Variants in GPC1 observed in about 807,000 individuals in gnomAD.
GPC1 encodes the protein glypican 1, also known as glypican-1.
In GPC1, 26 loss-of-function variants were observed where a neutral mutation model predicts 51.5. That is an observed-to-expected ratio of 0.50 (90% CI 0.37 to 0.70). The LOEUF (loss-of-function observed/expected upper bound fraction) is 0.70. GPC1 is among the 30% of genes least tolerant of loss of function. The pLI is 0.00. For synonymous variants in GPC1, 380 were observed against 348.3 expected (o/e 1.09, Z -1.01); for missense variants, 775 against 800.5 (o/e 0.97, Z 0.38).
At chr2:240,441,872 A>G (rs923117329) in intron 1 of GPC1, among the ~76,000 whole-genome samples, 5 of 152,312 alleles carry the variant, frequency 3.3e-5, no homozygotes, top group African/African-American at 9.6e-5. Context: ...GGTGAGGGCT[A>G]TGCTGAGGAG....
rs757727485 is a variant in GPC1 at position 240,462,441 on chromosome 2, G to A, written c.576G>A (p.Leu192=). The change falls in exon 3 of 9, where the codon CTG becomes CTA. Residue 192 remains leucine, a synonymous_variant. Transcript: ENST00000264039. ...LLLPDDYLDC[L]GKQAEALRPF... ...TGCCTGATGACTACCTGGACTGCCT[G>A]GGCAAGCAGGCCGAGGCGCTGCGGC... The A allele has an allele frequency of 4.0e-5, 65 of 1,606,216 alleles. No individual in the cohort carries two copies. In the South Asian group the frequency reaches 6.8e-4, roughly 17 times the overall value.
At chr2:240,459,613 C>G (rs1036803427) in intron 2 of GPC1, among the ~76,000 whole-genome samples, 1 of 152,202 alleles carries the variant, frequency 6.6e-6, no homozygotes, top group African/African-American at 2.4e-5. Flanking sequence ...AGTGCAAGGG[C>G]TGAGACTGGG....
Position 240,459,082 on chromosome 2 carries a change from G to C in GPC1, c.219G>C (p.Met73Ile). Residue 73 changes from methionine (M) to isoleucine (I), a missense_variant, in exon 2 of 9, where the codon ATG (methionine) becomes ATC (isoleucine). Coordinates refer to ENST00000264039, the MANE Select transcript of GPC1 (RefSeq NM_002081.3). ...PQGYTCCTSEMEENLANRSHA... is the reference protein window; with the variant it reads ...PQGYTCCTSEIEENLANRSHA... Reference sequence around the variant, plus strand: ...GCTACACCTGCTGCACCAGCGAGATGGAGGAGAACCTGGCCAACCGCAGCC... The same window carrying C: ...GCTACACCTGCTGCACCAGCGAGATCGAGGAGAACCTGGCCAACCGCAGCC... The C allele has an allele frequency of 6.2e-7, 1 of 1,612,880 alleles. No homozygotes were observed. The highest frequency in any genetic ancestry group is 8.5e-7 in the Non-Finnish European group (1 of 1,179,904).
At chr2:240,462,086 G>A in intron 2 of GPC1, 105 bp from the exon 3 acceptor site, 19 of 1,158,094 alleles carry the variant, frequency 1.6e-5, no homozygotes, top group Non-Finnish European at 2.3e-5. Flanking sequence ...GAGGTCCTCA[G>A]AGTGTATCCT....
chr2:240,463,528 C>T lies in GPC1; in HGVS notation c.883+16C>T, dbSNP rs10191531. 7.0e-3 allele frequency: 11,267 copies of T among 1,610,642 alleles called. 686 individuals are homozygous for T. The African/African-American group carries it at 0.13, about 19-fold the overall frequency. ...AACCTCCTGGGTGAGCCCCCACCCG[C>T]GAGAGCGGCCTGGAACTGTCTTGGG... On this transcript the variant is annotated intron_variant, in intron 4 of 8. Transcript: ENST00000264039.
chr2:240,463,534 C>T (rs371375998), intron 4 of GPC1, 22 bp downstream of exon 4: 18 of 1,608,540 alleles, frequency 1.1e-5, no homozygotes, highest in East Asian at 4.5e-5. Context: ...CCCGCGAGAG[C>T]GGCCTGGAAC....
At chr2:240,441,148 G>A (rs185780356) in intron 1 of GPC1, among the ~76,000 whole-genome samples, 65 of 152,394 alleles carry the variant, frequency 4.3e-4, no homozygotes, top group African/African-American at 1.3e-3. Flanking sequence ...TACCGAGGAC[G>A]CCTCCCTACA....
At chr2:240,460,023 C>T (rs1035588670) in intron 2 of GPC1, among the ~76,000 whole-genome samples, 7 of 152,064 alleles carry the variant, frequency 4.6e-5, no homozygotes, top group African/African-American at 1.7e-4. Flanking sequence ...CTGTGAGGGA[C>T]GGCAGCTGCT....
In GPC1 at chr2:240,440,530, C is replaced by T. The variant is rs1574755190; in HGVS notation, c.166+4446C>T. Among the ~76,000 whole-genome samples the T allele has an allele frequency of 3.9e-5, 6 of 152,088 alleles. No homozygotes were observed. The East Asian group carries it at 5.8e-4, about 15-fold the overall frequency. On this transcript the variant is annotated intron_variant, in intron 1 of 8. Transcript: ENST00000264039. ...CTTAGGCTCATTTAGAACGTTTAAC[C>T]GGGACTCCTCCTGGCCTCCCTGCCT...
At position 240,465,726 on chromosome 2, in the gene GPC1, T is replaced by A. The variant is rs112623902; in HGVS notation, c.1444+78T>A. The A allele has an allele frequency of 7.8e-5, 98 of 1,250,438 alleles. No homozygotes were observed. In the African/African-American group the frequency reaches 1.0e-3, roughly 13 times the overall value. The allele number at this position is 1,250,438 out of a possible 1,614,324, so 77.5% of individuals were successfully genotyped here. ...CACAGGGGTGTGACTGCCCTCCGGG[T>A]TCCCCCACCCGAGGGGCCCTCTGCT... is the stretch of plus-strand genomic sequence containing the variant. On this transcript the variant is annotated intron_variant, in intron 8 of 8. Coordinates refer to ENST00000264039, the MANE Select transcript of GPC1 (RefSeq NM_002081.3).
At chr2:240,463,779 C>T in intron 4 of GPC1, 2 of 530,596 alleles carry the variant, frequency 3.8e-6, no homozygotes, top group South Asian at 2.5e-5. Context: ...TTAGCAAGCA[C>T]CTCGGTGTGC....
chr2:240,450,283 A>G (rs887696744), intron 1 of GPC1: 8 of 329,362 alleles, frequency 2.4e-5, no homozygotes, highest in Non-Finnish European at 4.8e-5. Context: ...GACCGCCCAG[A>G]CCTCTCTGGG....
intron 1 of GPC1, among the ~76,000 whole-genome samples, chr2:240,453,858 C>T (rs559762216): frequency 1.3e-5 from 2 of 152,096 alleles, no homozygotes; most frequent in Admixed American, 6.5e-5. Context: ...AGCCTTTGTT[C>T]CGCCGCCGGG....
chr2:240,458,097 C>T (rs1225106418), intron 1 of GPC1: 1 of 470,188 alleles, frequency 2.1e-6, no homozygotes, highest in Non-Finnish European at 4.4e-6. Context: ...CACTGTATAG[C>T]TGGGACGAGA....
intron 1 of GPC1, among the ~76,000 whole-genome samples, chr2:240,438,556 C>T (rs2073998796): frequency 6.6e-6 from 1 of 152,216 alleles, no homozygotes; most frequent in East Asian, 1.9e-4. Context: ...GGGACCTCCT[C>T]AGAGGGAATG....
intron 1 of GPC1, among the ~76,000 whole-genome samples, chr2:240,443,853 A>G (rs939370049): frequency 1.3e-5 from 2 of 152,238 alleles, no homozygotes; most frequent in Non-Finnish European, 2.9e-5. Flanking sequence ...CTTAGTTTGC[A>G]GATGGGAAAG....
chr2:240,445,584 C>T (rs1203311174), intron 1 of GPC1, among the ~76,000 whole-genome samples: 1 of 152,194 alleles, frequency 6.6e-6, no homozygotes, highest in African/African-American at 2.4e-5. Flanking sequence ...CAAACACCAG[C>T]ATGCAGGAGG....
In GPC1 at chr2:240,463,512, G is replaced by T. The variant is rs2074234862; in HGVS notation, c.883G>T (p.Asp295Tyr). The T allele has an allele frequency of 6.2e-7, 1 of 1,612,548 alleles. No homozygotes were observed. The highest frequency in any genetic ancestry group is 8.5e-7 in the Non-Finnish European group (1 of 1,179,752). ...DLDAEWRNLL[D>Y]SMVLITDKFW... ...GGACGCCGAGTGGAGGAACCTCCTGGGTGAGCCCCCACCCGCGAGAGCGGC... is the reference window on the plus strand; with the variant it reads ...GGACGCCGAGTGGAGGAACCTCCTGTGTGAGCCCCCACCCGCGAGAGCGGC... The change falls in exon 4 of 9, where the codon GAC (aspartate) becomes TAC (tyrosine). Residue 295 changes from aspartate to tyrosine, a missense_variant and splice_region_variant. Transcript: ENST00000264039.
rs144394036 is a variant in GPC1, at chr2:240,463,491, G to A, written c.862G>A (p.Ala288Thr). Reference sequence around the variant, plus strand: ...CCTTGCCAACCAGGCCGACCTGGACGCCGAGTGGAGGAACCTCCTGGGTGA... The same window carrying A: ...CCTTGCCAACCAGGCCGACCTGGACACCGAGTGGAGGAACCTCCTGGGTGA... ...GCLANQADLD[A>T]EWRNLLDSMV... Residue 288 changes from alanine (A) to threonine (T), a missense_variant, in exon 4 of 9, where the codon GCC (alanine) becomes ACC (threonine). Coordinates refer to ENST00000264039, the MANE Select transcript of GPC1 (RefSeq NM_002081.3). 137 of 1,612,780 alleles carry A rather than the reference G, an allele frequency of 8.5e-5. No individual in the cohort carries two copies. Among genetic ancestry groups the A allele is most frequent in the African/African-American group, 6.7e-5 (5 of 74,928 alleles).
Sources: gnomAD v4.1 joint callset for allele counts (sites outside exome capture counted in the v4.1 genomes callset) on GRCh38, gnomAD v4.1.1 for gene constraint, MANE v1.5 for transcripts, NCBI Gene and HGNC (gene_info 2026-07-23, HGNC 2026-07-21) for gene names.